ZNF521: variants seen among roughly 807,000 people sequenced by gnomAD.
ZNF521 encodes the protein LYST-interacting protein 3.
In ZNF521, 14 loss-of-function variants were observed where a neutral mutation model predicts 105.5. That is an observed-to-expected ratio of 0.13 (90% CI 0.09 to 0.21). The LOEUF (loss-of-function observed/expected upper bound fraction) is 0.21. ZNF521 is among the 10% of genes least tolerant of loss of function. ZNF521 has a pLI of 1.00. For synonymous variants in ZNF521, 635 were observed against 606.0 expected, an observed-to-expected ratio of 1.05 and a Z score of -0.70; for missense variants, 1,233 against 1,629.7, an observed-to-expected ratio of 0.76 and a Z score of 4.19.
chr18:25,271,216 G>C (rs917859404), intron 3 of ZNF521, among the ~76,000 whole-genome samples: 2 of 152,184 alleles, frequency 1.3e-5, no homozygotes, highest in African/African-American at 4.8e-5. Context: ...ACTTACAAGG[G>C]ATGTGAAGGA....
intron 5 of ZNF521, 89 bp downstream of exon 5, chr18:25,195,071 A>T (rs1431092664): frequency 9.6e-7 from 1 of 1,043,600 alleles, no homozygotes; most frequent in African/African-American, 1.7e-5. Context: ...TGATGGTTGA[A>T]CAATTAATTC....
chr18:25,074,080 G>A lies in ZNF521; in HGVS notation c.3907-11339C>T, dbSNP rs897826353. Among the ~76,000 whole-genome samples the A allele has an allele frequency of 1.8e-4, 28 of 152,258 alleles. 1 individual carries two copies. The highest frequency in any genetic ancestry group is 4.3e-4 in the African/African-American group (18 of 41,590). On this transcript the variant is annotated intron_variant, in intron 7 of 7. Transcript: ENST00000361524. ...TGTGTGCGCACGCGTGTGTGCGTGC[G>A]TGTGTGCACGCGCACGGGAATATGC...
intron 3 of ZNF521, among the ~76,000 whole-genome samples, chr18:25,305,333 C>T (rs1911917455): frequency 6.6e-6 from 1 of 152,134 alleles, no homozygotes; most frequent in African/African-American, 2.4e-5. Flanking sequence ...TAAAACCATT[C>T]TAAAAGTTGC....
chr18:25,303,317 A>T (rs546847638), intron 3 of ZNF521, among the ~76,000 whole-genome samples: 15,083 of 133,804 alleles, frequency 0.11, 1,689 homozygotes, highest in African/African-American at 0.29. Context: ...TGTGAGAGAG[A>T]GACGGAGTCT....
intron 7 of ZNF521, among the ~76,000 whole-genome samples, chr18:25,083,053 A>G (rs1418048312): frequency 1.3e-5 from 2 of 152,242 alleles, no homozygotes; most frequent in East Asian, 3.9e-4. Context: ...ACTTTTTTCC[A>G]AACTACACTC....
At chr18:25,273,842 C>T (rs754052084) in intron 3 of ZNF521, among the ~76,000 whole-genome samples, 8 of 152,184 alleles carry the variant, frequency 5.3e-5, no homozygotes, top group African/African-American at 9.6e-5. Flanking sequence ...CTGTCCATAA[C>T]GGCTAATTTG....
At chr18:25,151,344 C>T (rs1168001023) in intron 5 of ZNF521, among the ~76,000 whole-genome samples, 2 of 152,080 alleles carry the variant, frequency 1.3e-5, no homozygotes, top group Non-Finnish European at 2.9e-5. Context: ...CTTCTTTGAC[C>T]CTCTTAGGCA....
At chr18:25,196,264 C>T (rs1194266601) in intron 4 of ZNF521, among the ~76,000 whole-genome samples, 1 of 151,592 alleles carries the variant, frequency 6.6e-6, no homozygotes, top group Non-Finnish European at 1.5e-5. Context: ...TGTAAAATCA[C>T]ATAAATGACA....
chr18:25,274,498 T>A (rs952538515), intron 3 of ZNF521, among the ~76,000 whole-genome samples: 2 of 152,170 alleles, frequency 1.3e-5, no homozygotes, highest in African/African-American at 4.8e-5. Context: ...TATTAGAGGT[T>A]AATGGCATAT....
At chr18:25,229,398 T>G (rs1236413300) in intron 3 of ZNF521, among the ~76,000 whole-genome samples, 2 of 152,182 alleles carry the variant, frequency 1.3e-5, no homozygotes, top group Non-Finnish European at 2.9e-5. Context: ...CCGCATGATT[T>G]TGCATCCTCA....
chr18:25,236,754 A>G (rs566427895), intron 3 of ZNF521, among the ~76,000 whole-genome samples: 3 of 152,156 alleles, frequency 2.0e-5, no homozygotes, highest in Non-Finnish European at 4.4e-5. Flanking sequence ...CAAATGATAT[A>G]AGACAATCCT....
rs113654273 is a variant in ZNF521, at chr18:25,109,117, C to T, written c.3659-17036G>A. 4.6e-5 allele frequency among the ~76,000 whole-genome samples: 7 copies of T among 152,084 alleles called. 1 individual carries two copies. The highest frequency in any genetic ancestry group is 1.7e-4 in the African/African-American group (7 of 41,482). On this transcript the variant is annotated intron_variant, in intron 5 of 7. Coordinates refer to ENST00000361524, the MANE Select transcript of ZNF521 (RefSeq NM_015461.3). ...TTTTAACCCTCACGCCCCCAACCCT[C>T]CCCCACTTTGGAGTTCCCAGTTTCT...
chr18:25,090,502 T>C (rs1185932409), intron 6 of ZNF521, among the ~76,000 whole-genome samples: 5 of 152,234 alleles, frequency 3.3e-5, no homozygotes, highest in Admixed American at 6.5e-5. Context: ...CTTTCCCACC[T>C]AACACACTTT....
At position 25,224,803 on chromosome 18, in the gene ZNF521, C is replaced by G. The variant is rs1320205060; in HGVS notation, c.3115G>C (p.Gly1039Arg). 6.2e-7 allele frequency: 1 copy of G among 1,614,056 alleles called. No homozygotes were observed. Among genetic ancestry groups the G allele is most frequent in the East Asian group, 2.2e-5 (1 of 44,860 alleles). Reference protein sequence around the residue: ...VTSTLELKIHGTFHMQKTGNG... With the variant: ...VTSTLELKIHRTFHMQKTGNG... ...CCTGTCTTTTGCATGTGGAACGTCC[C>G]ATGGATTTTGAGTTCCAAGGTGGAG... Residue 1039 changes from glycine to arginine, a missense_variant, in exon 4 of 8, where the codon GGG becomes CGG. Physicochemically the swap from Gly to Arg is moderately radical, Grantham distance 125. Coordinates refer to ENST00000361524, the MANE Select transcript of ZNF521 (RefSeq NM_015461.3).
At chr18:25,275,299 T>C (rs1005216207) in intron 3 of ZNF521, among the ~76,000 whole-genome samples, 1 of 152,142 alleles carries the variant, frequency 6.6e-6, no homozygotes, top group Non-Finnish European at 1.5e-5. Context: ...AAAATTTTTT[T>C]AAAAAATAGG....
At chr18:25,311,383 T>A (rs1336129041) in intron 3 of ZNF521, among the ~76,000 whole-genome samples, 1 of 137,552 alleles carries the variant, frequency 7.3e-6, no homozygotes, top group Non-Finnish European at 1.6e-5. Context: ...AGCAAAAATG[T>A]AAAAAAAAAA....
At chr18:25,102,978 C>T (rs2144264262) in intron 5 of ZNF521, among the ~76,000 whole-genome samples, 1 of 152,222 alleles carries the variant, frequency 6.6e-6, no homozygotes, top group Non-Finnish European at 1.5e-5. Flanking sequence ...CCTCATCCCC[C>T]TATGTCTTAA....
rs770130527 is a variant in ZNF521 at position 25,226,388 on chromosome 18, A to G, written c.1530T>C (p.Ser510=). ...AGCAATGGGGACAAAAGAATGCATT[A>G]CTATCTTTAGCTGCAGGGTTTGCAA... ...HGFANPAAKD[S]NAFFCPHCYM... The change falls in exon 4 of 8, where the codon AGT becomes AGC. Residue 510 remains serine (S), a synonymous_variant. Transcript: ENST00000361524. The surrounding 1 kb of genome is among the most constrained non-coding windows in gnomAD (Gnocchi z 4.1). The G allele has an allele frequency of 1.2e-6, 2 of 1,614,142 alleles. No homozygotes were observed. The highest frequency in any genetic ancestry group is 8.5e-7 in the Non-Finnish European group (1 of 1,180,006).
chr18:25,220,386 C>A (rs998246679), intron 4 of ZNF521, among the ~76,000 whole-genome samples: 2 of 152,124 alleles, frequency 1.3e-5, no homozygotes, highest in Non-Finnish European at 2.9e-5. Flanking sequence ...AGAAAGAAGA[C>A]AGGAGTACCG....
Sources: allele counts gnomAD v4.1 joint callset (sites outside exome capture counted in the v4.1 genomes callset), GRCh38; gene constraint gnomAD v4.1.1; non-coding constraint Gnocchi (gnomAD v3.1); transcripts MANE v1.5; gene names NCBI Gene and HGNC (gene_info 2026-07-23, HGNC 2026-07-21).